Variants in NDUFAF6 observed in about 807,000 individuals in gnomAD.
NDUFAF6 encodes the protein NADH:ubiquinone oxidoreductase complex assembly factor 6.
Under a neutral mutation model 40.8 loss-of-function variants are expected in NDUFAF6, and 45 were observed. The observed-to-expected ratio is 1.10, with a 90% CI of 0.87 to 1.42. The LOEUF is 1.42. NDUFAF6 is among the 40% of genes most tolerant of loss of function. The pLI is 0.00. For missense variants in NDUFAF6, 435 were observed against 418.5 expected (o/e 1.04, Z -0.34); for synonymous variants, 185 against 155.9 (o/e 1.19, Z -1.39).
intron 2 of NDUFAF6, among the ~76,000 whole-genome samples, chr8:94,981,702 G>T (rs1825453752): frequency 6.6e-6 from 1 of 152,256 alleles, no homozygotes; most frequent in East Asian, 1.9e-4. Flanking sequence ...CTTTAAAAGA[G>T]AACTAGACAG....
At chr8:94,904,015 G>A (rs1428929399) in intron 1 of NDUFAF6, among the ~76,000 whole-genome samples, 2 of 152,118 alleles carry the variant, frequency 1.3e-5, no homozygotes, top group Non-Finnish European at 2.9e-5. Context: ...TAACTTCCAG[G>A]CCTTCTTTCC....
At chr8:94,930,047 T>C (rs1292709931) in intron 1 of NDUFAF6, 3 of 160,416 alleles carry the variant, frequency 1.9e-5, no homozygotes, top group African/African-American at 7.2e-5. Flanking sequence ...ACAGAGAGAT[T>C]ATCAAGTACT....
chr8:95,045,222 G>A (rs994209332), intron 4 of NDUFAF6, among the ~76,000 whole-genome samples: 17 of 152,158 alleles, frequency 1.1e-4, no homozygotes, highest in African/African-American at 3.1e-4. Flanking sequence ...AAGTGCCTAC[G>A]TAATGTCTAA....
At chr8:95,088,877 C>T (rs1809153102) in intron 2 of NDUFAF6, among the ~76,000 whole-genome samples, 1 of 152,030 alleles carries the variant, frequency 6.6e-6, no homozygotes, top group Non-Finnish European at 1.5e-5. Flanking sequence ...TCTCCTACCT[C>T]AGCCTCCTGA....
intron 1 of NDUFAF6, among the ~76,000 whole-genome samples, chr8:94,909,512 G>C (rs1340545168): frequency 2.0e-5 from 3 of 151,786 alleles, no homozygotes; most frequent in Non-Finnish European, 2.9e-5. Context: ...TGTAATCCTA[G>C]CTACTTGGGA....
intron 1 of NDUFAF6, among the ~76,000 whole-genome samples, chr8:95,026,823 G>C (rs1828202173): frequency 6.6e-6 from 1 of 152,176 alleles, no homozygotes; most frequent in African/African-American, 2.4e-5. Context: ...CTAGGCAGAA[G>C]GGTTGCTTGA....
chr8:94,997,335 CACACACACAGAGAG>C (rs1173825062), intron 2 of NDUFAF6, among the ~76,000 whole-genome samples: 94 of 137,476 alleles, frequency 6.8e-4, no homozygotes, highest in Admixed American at 1.1e-3. Context: ...CACACACACA[CACACACACAGAGAG>C]AGAGAGAGAG....
chr8:95,016,471 G>A (rs966053974), intron 2 of NDUFAF6, among the ~76,000 whole-genome samples: 37 of 152,318 alleles, frequency 2.4e-4, no homozygotes, highest in Admixed American at 2.2e-3. Context: ...CTGGCCGAGC[G>A]TGGTGGCTCA....
At chr8:94,937,850 C>T (rs1256826764) in intron 1 of NDUFAF6, among the ~76,000 whole-genome samples, 1 of 152,086 alleles carries the variant, frequency 6.6e-6, no homozygotes, top group African/African-American at 2.4e-5. Context: ...GTGGTAAAAA[C>T]AGCCTACTAA....
intron 1 of NDUFAF6, among the ~76,000 whole-genome samples, chr8:94,897,389 G>A (rs993904905): frequency 3.3e-5 from 5 of 152,128 alleles, no homozygotes; most frequent in Non-Finnish European, 4.4e-5. Flanking sequence ...CCATATTACA[G>A]ATACCTGGTC....
At chr8:95,084,017 A>G (rs1179087973) in intron 2 of NDUFAF6, among the ~76,000 whole-genome samples, 1 of 152,180 alleles carries the variant, frequency 6.6e-6, no homozygotes, top group Admixed American at 6.5e-5. Flanking sequence ...AAAATGTGTC[A>G]CATTTTAGAA....
intron 2 of NDUFAF6, among the ~76,000 whole-genome samples, chr8:95,091,382 T>C (rs1809245838): frequency 6.6e-6 from 1 of 152,044 alleles, no homozygotes; most frequent in Non-Finnish European, 1.5e-5. Context: ...CTCACTATCA[T>C]GAGAACAGCC....
chr8:95,024,241 C>T (rs1243822590), upstream of NDUFAF6, among the ~76,000 whole-genome samples: 1 of 152,170 alleles, frequency 6.6e-6, no homozygotes, highest in Admixed American at 6.5e-5. Flanking sequence ...GGATCTTACC[C>T]GACTACTTAC....
At chr8:94,953,962 A>G (rs150696516), upstream of NDUFAF6, among the ~76,000 whole-genome samples, 121 of 152,150 alleles carry the variant, frequency 8.0e-4, no homozygotes, top group Non-Finnish European at 7.4e-5. Context: ...TTTTATTTCT[A>G]TAGTATCCTT....
chr8:95,033,105 A>T (rs1829046869), intron 2 of NDUFAF6, among the ~76,000 whole-genome samples: 1 of 152,188 alleles, frequency 6.6e-6, no homozygotes, highest in Non-Finnish European at 1.5e-5. Context: ...CAGTGGCATG[A>T]TCACAGCTTA....
chr8:94,935,741 G>C (rs575101332), intron 1 of NDUFAF6, among the ~76,000 whole-genome samples: 1 of 152,336 alleles, frequency 6.6e-6, no homozygotes, highest in South Asian at 2.1e-4. Flanking sequence ...AATTAGATTG[G>C]AGAACATAAA....
At chr8:94,997,289 G>GAC (rs57953301) in intron 2 of NDUFAF6, among the ~76,000 whole-genome samples, 1,528 of 94,658 alleles carry the variant, frequency 0.016, 16 homozygotes, top group East Asian at 0.027. Context: ...CAAGAAGAAA[G>GAC]ACACACACAC....
At chr8:94,955,176 C>T (rs1265416163), upstream of NDUFAF6, among the ~76,000 whole-genome samples, 1 of 152,186 alleles carries the variant, frequency 6.6e-6, no homozygotes, top group African/African-American at 2.4e-5. Context: ...TGTGTTCTTA[C>T]CAGCACATAG....
intron 2 of NDUFAF6, among the ~76,000 whole-genome samples, chr8:95,089,198 C>A (rs1192734900): frequency 1.3e-5 from 2 of 152,056 alleles, no homozygotes; most frequent in South Asian, 4.1e-4. Context: ...GTAGCTGGGA[C>A]TACAGGCACA....
Sources: allele counts gnomAD v4.1 joint callset (sites outside exome capture counted in the v4.1 genomes callset), GRCh38; gene constraint gnomAD v4.1.1; transcripts MANE v1.5; gene names NCBI Gene and HGNC (gene_info 2026-07-23, HGNC 2026-07-21).